GPR143: variants seen among roughly 807,000 people sequenced by gnomAD.
GPR143 encodes the protein G protein-coupled receptor 143.
GPR143 carries 8 observed loss-of-function variants against 27.6 expected under a neutral mutation model. That is an observed-to-expected ratio of 0.29 (90% confidence interval 0.17 to 0.52). The LOEUF is 0.52. Among genes scored for constraint, GPR143 ranks in the 20% least tolerant of loss-of-function variants. GPR143 has a pLI of 0.96. For synonymous variants in GPR143, 156 were observed against 153.2 expected, an observed-to-expected ratio of 1.02 and a Z score of -0.13; for missense variants, 303 against 343.1, an observed-to-expected ratio of 0.88 and a Z score of 0.92.
At position 9,757,289 on chromosome X, in the gene GPR143, C is replaced by T. The variant is rs184366984; in HGVS notation, c.455+2043G>A. On this transcript the variant is annotated intron_variant, in intron 3 of 8. Transcript: ENST00000467482. ...GGGGTGAGGGAACTCTCTGGGGCCC[C>T]TTTTACAAGGGCACTGATCCCACTT... is the stretch of plus-strand genomic sequence containing the variant. Among the ~76,000 whole-genome samples the T allele has an allele frequency of 5.1e-3, 573 of 111,557 alleles. 6 individuals are homozygous for T. The highest frequency in any genetic ancestry group is 0.018 in the African/African-American group (543 of 30,696).
At chrX:9,770,358 G>GAGAGAGAGAGAGAGAGAGAGA (rs1569127514), upstream of GPR143, among the ~76,000 whole-genome samples, 130 of 76,556 alleles carry the variant, frequency 1.7e-3, 1 homozygote, top group African/African-American at 6.7e-3. Flanking sequence ...AGAGAGAGAG[G>GAGAGAGAGAGAGAGAGAGAGA]AAGACCAGCC....
chrX:9,766,434 A>G (rs759038629), upstream of GPR143, among the ~76,000 whole-genome samples: 1 of 112,101 alleles, frequency 8.9e-6, no homozygotes, highest in Admixed American at 9.5e-5. Flanking sequence ...AAACAAACAG[A>G]TCAATGTTAA....
At chrX:9,763,072 C>A (rs1426213185) in intron 1 of GPR143, among the ~76,000 whole-genome samples, 1 of 109,347 alleles carries the variant, frequency 9.1e-6, no homozygotes, top group Non-Finnish European at 1.9e-5. Context: ...ACCACATGTG[C>A]ATCCCACCAT....
intron 8 of GPR143, among the ~76,000 whole-genome samples, chrX:9,737,301 C>CA (rs1016248614): frequency 3.6e-5 from 4 of 111,353 alleles, no homozygotes; most frequent in African/African-American, 1.3e-4. Context: ...TCAGCCTGGA[C>CA]AACAGAGTGA....
Position 9,741,440 on chromosome X carries a change from G to A in GPR143, c.783C>T (p.Ile261=), listed in dbSNP as rs1189271385. ...GATAGAATAAAAGGCTTTCATTGAT[G>A]ATATTCGACAACCAACTGTTAGAAA... ...LVLIICWLSN[I]INESLLFYLE... Residue 261 remains isoleucine (I), a synonymous_variant, in exon 7 of 9, where the codon ATC becomes ATT. Coordinates refer to ENST00000467482, the MANE Select transcript of GPR143 (RefSeq NM_000273.3). 3.7e-6 allele frequency: 4 copies of A among 1,076,788 alleles called. No homozygotes were observed. The East Asian group carries it at 1.2e-4, about 32-fold the overall frequency. The allele number at this position is 1,076,788 out of a possible 1,213,427, so 88.7% of individuals were successfully genotyped here. A position where few individuals can be genotyped will look rare whatever the true frequency, so the allele number is the denominator to read the frequency against.
intron 8 of GPR143, among the ~76,000 whole-genome samples, chrX:9,729,439 A>T (rs2083343719): frequency 9.0e-6 from 1 of 111,444 alleles, no homozygotes; most frequent in African/African-American, 3.3e-5. Flanking sequence ...AAGAATTTCT[A>T]GTGCTTTCAT....
intron 6 of GPR143, 72 bp from the exon 7 acceptor site, chrX:9,741,527 GAGA>G (rs2083404256): frequency 7.1e-6 from 4 of 564,152 alleles, no homozygotes; most frequent in Non-Finnish European, 1.3e-5. Context: ...TGGAGAGTCA[GAGA>G]AGAATTTCTA....
chrX:9,760,596 A>G, intron 2 of GPR143, 121 bp downstream of exon 2: 1 of 498,670 alleles, frequency 2.0e-6, no homozygotes, highest in South Asian at 2.7e-5. Flanking sequence ...TGGGTTCCTG[A>G]TCAGCAGGAT....
chrX:9,770,323 A>AAGAGAGAGAGAGAGAGAGAGAGAGAGAG (rs201287124), upstream of GPR143, among the ~76,000 whole-genome samples: 1 of 89,019 alleles, frequency 1.1e-5, no homozygotes, highest in African/African-American at 4.7e-5. Context: ...AAGAAAGAAA[A>AAGAGAGAGAGAGAGAGAGAGAGAGAGAG]AGAGAGAGAG....
intron 8 of GPR143, among the ~76,000 whole-genome samples, chrX:9,727,129 C>T (rs967659714): frequency 8.8e-6 from 1 of 113,049 alleles, no homozygotes; most frequent in Non-Finnish European, 1.9e-5. Flanking sequence ...AATCCACAAC[C>T]CAAAGGGAGA....
chrX:9,740,882 C>T, intron 7 of GPR143: 1 of 294,146 alleles, frequency 3.4e-6, no homozygotes, highest in Non-Finnish European at 5.9e-6. Context: ...AAGATCCATG[C>T]TCTGATATTG....
chrX:9,757,808 T>C (rs2083479441), intron 3 of GPR143, among the ~76,000 whole-genome samples: 1 of 111,619 alleles, frequency 9.0e-6, no homozygotes, highest in South Asian at 3.8e-4. Flanking sequence ...TCTCACTCTG[T>C]CGCCCAGGCT....
upstream of GPR143, among the ~76,000 whole-genome samples, chrX:9,770,929 T>G (rs1472115621): frequency 4.5e-5 from 5 of 112,036 alleles, no homozygotes; most frequent in Non-Finnish European, 7.5e-5. Flanking sequence ...ATGAGTAACA[T>G]ACGCAAGTTG....
In GPR143 at chrX:9,739,530, C is replaced by T. The variant is rs374388815; in HGVS notation, c.1075G>A (p.Val359Met). The change falls in exon 8 of 9, where the codon GTG (valine) becomes ATG (methionine). Residue 359 changes from valine (V) to methionine (M), a missense_variant. Coordinates refer to ENST00000467482, the MANE Select transcript of GPR143 (RefSeq NM_000273.3). The part of the protein sequence containing the change: ...ENPASGKVSQ[V>M]GGQTSDEALS... ...GCTTCGTCAGAAGTCTGCCCACCCA[C>T]TTGAGACACCTTCCCGGAAGCAGGG... 8.3e-7 allele frequency: 1 copy of T among 1,209,477 alleles called. No homozygotes were observed. Among genetic ancestry groups the T allele is most frequent in the African/African-American group, 1.7e-5 (1 of 57,362 alleles).
At chrX:9,760,625 C>G (rs1008018018) in intron 2 of GPR143, 92 bp downstream of exon 2, 2 of 538,395 alleles carry the variant, frequency 3.7e-6, no homozygotes, top group African/African-American at 4.6e-5. Flanking sequence ...ACGTGAGAAC[C>G]TGCATTTCTA....
upstream of GPR143, among the ~76,000 whole-genome samples, chrX:9,766,901 TCTCACACACACA>T (rs1385095254): frequency 2.5e-4 from 16 of 65,153 alleles, no homozygotes; most frequent in Admixed American, 7.5e-4. Flanking sequence ...TATCTCTCTC[TCTCACACACACA>T]CACACACACA....
Position 9,743,636 on chromosome X carries a change from C to T in GPR143, c.696G>A (p.Thr232=), listed in dbSNP as rs1431518835. 29 of 1,177,980 alleles carry T rather than the reference C, an allele frequency of 2.5e-5. No individual in the cohort carries two copies. The highest frequency in any genetic ancestry group is 4.4e-5 in the Admixed American group (2 of 45,751). The change falls in exon 6 of 9, where the codon ACG becomes ACA. Residue 232 remains threonine, a synonymous_variant. Coordinates refer to ENST00000467482, the MANE Select transcript of GPR143 (RefSeq NM_000273.3). ...SLLKGRQGIY[T]ENERRMGAVI... ...CGGCTCCCATCCTCCTCTCGTTCTC[C>T]GTGTAAATGCCTTGTCTTCCTTTAA...
chrX:9,729,047 G>A (rs113000347), intron 8 of GPR143, among the ~76,000 whole-genome samples: 6 of 111,104 alleles, frequency 5.4e-5, no homozygotes, highest in African/African-American at 2.0e-4. Context: ...GGATCTGGCC[G>A]TAGATCGCCC....
At chrX:9,749,363 C>T (rs992867637) in intron 3 of GPR143, among the ~76,000 whole-genome samples, 6 of 110,779 alleles carry the variant, frequency 5.4e-5, no homozygotes, top group African/African-American at 2.0e-4. Context: ...TCAATTAAAC[C>T]TCTTTCCTTT....
Sources: gnomAD v4.1 joint callset for allele counts (sites outside exome capture counted in the v4.1 genomes callset) on GRCh38, gnomAD v4.1.1 for gene constraint, MANE v1.5 for transcripts, NCBI Gene and HGNC (gene_info 2026-07-23, HGNC 2026-07-21) for gene names.